IL11: variants seen among roughly 807,000 people sequenced by gnomAD.
IL11 encodes the protein interleukin-11.
IL11 carries 17 observed loss-of-function variants against 18.1 expected under a neutral mutation model. The observed-to-expected ratio is 0.94, with a 90% confidence interval of 0.64 to 1.41. The LOEUF is 1.41. IL11 is among the 40% of genes most tolerant of loss of function. The pLI is 0.00. For missense variants in IL11, 309 were observed against 262.8 expected, an observed-to-expected ratio of 1.18 and a Z score of -1.22; for synonymous variants, 144 against 134.1, an observed-to-expected ratio of 1.07 and a Z score of -0.51.
chr19:55,368,981 G>C, intron 1 of IL11, 40 bp from the exon 2 acceptor site: 2 of 1,451,018 alleles, frequency 1.4e-6, no homozygotes, highest in Admixed American at 2.7e-5. Context: ...GCTGGACTCC[G>C]GGTCTGAGAG....
At position 55,366,539 on chromosome 19, in the gene IL11, G is replaced by A. The variant is rs28492918; in HGVS notation, c.430-362C>T. Reference sequence around the variant, plus strand: ...TTAGAACAATTAAGAAGCCAGGCGCGGGGGCTCACGCCTGTTATCCCAGCG... The same window carrying A: ...TTAGAACAATTAAGAAGCCAGGCGCAGGGGCTCACGCCTGTTATCCCAGCG... On this transcript the variant is annotated intron_variant, in intron 4 of 4. Transcript: ENST00000264563. The surrounding 1 kb of genome is among the most constrained non-coding windows in gnomAD (Gnocchi z 4.6). 0.072 allele frequency among the ~76,000 whole-genome samples: 11,004 copies of A among 152,114 alleles called. 1,146 individuals are homozygous for A. Among genetic ancestry groups the A allele is most frequent in the African/African-American group, 0.24 (9,759 of 41,440 alleles).
chr19:55,366,135 C>T lies in IL11; in HGVS notation c.472G>A (p.Ala158Thr). 5 of 1,518,422 alleles carry T rather than the reference C, an allele frequency of 3.3e-6. No homozygotes were observed. Among genetic ancestry groups the T allele is most frequent in the African/African-American group, 1.4e-5 (1 of 71,612 alleles). The allele number at this position is 1,518,422 out of a possible 1,614,324, so 94.1% of individuals were successfully genotyped here. A position where few individuals can be genotyped will look rare whatever the true frequency, so the allele number is the denominator to read the frequency against. Residue 158 changes from alanine to threonine, a missense_variant, in exon 5 of 5, where the codon GCG (alanine) becomes ACG (threonine). By Grantham distance (58) the Ala-to-Thr change is moderately conservative. Coordinates refer to ENST00000264563, the MANE Select transcript of IL11 (RefSeq NM_000641.4). The surrounding 1 kb of genome is among the most constrained non-coding windows in gnomAD (Gnocchi z 4.6). ...GAGGAGGGGGGCGCCAGCGGGGGCGCCGGCGGGTCCGGGGGTGGCTGGGGC... is the reference window on the plus strand; with the variant it reads ...GAGGAGGGGGGCGCCAGCGGGGGCGTCGGCGGGTCCGGGGGTGGCTGGGGC... ...ALPQPPPDPP[A>T]PPLAPPSSAW...
intron 3 of IL11, 51 bp downstream of exon 3, chr19:55,368,432 C>G (rs1358654437): frequency 1.9e-6 from 3 of 1,578,868 alleles, no homozygotes; most frequent in East Asian, 2.3e-5. Context: ...CTCCCCGCCC[C>G]CTTCACTGCC....
At position 55,368,751 on chromosome 19, in the gene IL11, C is replaced by T; in HGVS notation, c.180+18G>A. The stretch of plus-strand genomic sequence containing the variant: ...CTGCCTCTCACTCCTGTGCTGGCCC[C>T]AGCCCAGTCTCTCCTACCAGCTGTG... On this transcript the variant is annotated intron_variant, in intron 2 of 4. Coordinates refer to ENST00000264563, the MANE Select transcript of IL11 (RefSeq NM_000641.4). 6.4e-7 allele frequency: 1 copy of T among 1,562,076 alleles called. No homozygotes were observed. The highest frequency in any genetic ancestry group is 8.7e-7 in the Non-Finnish European group (1 of 1,152,816).
Position 55,368,916 on chromosome 19 carries a change from C to A in IL11, c.33G>T (p.Val11=). The A allele has an allele frequency of 1.3e-6, 2 of 1,542,780 alleles. No homozygotes were observed. Among genetic ancestry groups the A allele is most frequent in the Non-Finnish European group, 8.8e-7 (1 of 1,141,074 alleles). ...CAGCTGTATCTGGCCACAGGCTCAG[C>A]ACGACCAGGACCAGGCGGCAAACAC... is the stretch of plus-strand genomic sequence containing the variant. MNCVCRLVLV[V]LSLWPDTAVA... The change falls in exon 2 of 5, where the codon GTG becomes GTT. Residue 11 remains valine (V), a synonymous_variant. Coordinates refer to ENST00000264563, the MANE Select transcript of IL11 (RefSeq NM_000641.4).
At position 55,368,390 on chromosome 19, in the gene IL11, C is replaced by G. The variant is rs1211847335; in HGVS notation, c.268-19G>C. 1 of 1,590,048 alleles carries G rather than the reference C, an allele frequency of 6.3e-7. No homozygotes were observed. The highest frequency in any genetic ancestry group is 8.6e-7 in the Non-Finnish European group (1 of 1,162,824). On this transcript the variant is annotated intron_variant, in intron 3 of 4. Coordinates refer to ENST00000264563, the MANE Select transcript of IL11 (RefSeq NM_000641.4). Reference sequence around the variant, plus strand: ...CTGGGAGCTGGGGATAGAGCCGGGACATCAGAGAACACCCGACCAGTGCCC... The same window carrying G: ...CTGGGAGCTGGGGATAGAGCCGGGAGATCAGAGAACACCCGACCAGTGCCC...
In IL11 at chr19:55,366,448, G is replaced by A. The variant is rs893145578; in HGVS notation, c.430-271C>T. Among the ~76,000 whole-genome samples the A allele has an allele frequency of 6.6e-6, 1 of 152,016 alleles. No homozygotes were observed. Among genetic ancestry groups the A allele is most frequent in the Non-Finnish European group, 1.5e-5 (1 of 68,008 alleles). The stretch of plus-strand genomic sequence containing the variant: ...ATCTCGGTTCTAGGTGAGGGATCGG[G>A]CCTGGGACTGTTAGAGTCGCCGGGG... On this transcript the variant is annotated intron_variant, in intron 4 of 4. Transcript: ENST00000264563. The surrounding 1 kb of genome is among the most constrained non-coding windows in gnomAD (Gnocchi z 4.6).
In IL11 at chr19:55,369,842, GTC is replaced by G. The variant is rs2089811633; in HGVS notation, c.7+460_7+461del. Among the ~76,000 whole-genome samples the G allele has an allele frequency of 6.6e-6, 1 of 151,536 alleles. No homozygotes were observed. The stretch of plus-strand genomic sequence containing the variant: ...TCTCCCCGCTTTCCCCCCGCGCCCA[GTC>G]TCTCTCCTCCCCCCGGCTGGGGTCG... On this transcript the variant is annotated intron_variant, in intron 1 of 4. Transcript: ENST00000264563. The surrounding 1 kb of genome is among the most constrained non-coding windows in gnomAD (Gnocchi z 6.1).
At position 55,370,374 on chromosome 19, in the gene IL11, C is replaced by T. The variant is rs2089815511; in HGVS notation, c.-64G>A. ...GGGAGCCGGGGGCCTTTAACCCTTC[C>T]CTGTCCGCTGCCGGGGGAGCCCCGA... is the stretch of plus-strand genomic sequence containing the variant. On this transcript the variant is annotated 5_prime_UTR_variant, in exon 1 of 5. Transcript: ENST00000264563. 9 of 1,342,280 alleles carry T rather than the reference C, an allele frequency of 6.7e-6. No homozygotes were observed. The highest frequency in any genetic ancestry group is 5.4e-5 in the South Asian group (3 of 55,052). 83.1% of individuals were successfully genotyped at this position (1,342,280 alleles called of 1,614,324 possible).
intron 4 of IL11, 36 bp downstream of exon 4, chr19:55,368,174 G>A: frequency 6.7e-7 from 1 of 1,491,188 alleles, no homozygotes. Flanking sequence ...CCAGGGGTGG[G>A]GGTCTGGGGT....
rs2089806196 is a variant in IL11, at chr19:55,369,240, G to T, written c.8-299C>A. 1.2e-5 allele frequency: 3 copies of T among 253,332 alleles called. No homozygotes were observed. The highest frequency in any genetic ancestry group is 7.0e-5 in the East Asian group (1 of 14,204). 15.7% of individuals were successfully genotyped at this position (253,332 alleles called of 1,614,324 possible). A position where few individuals can be genotyped will look rare whatever the true frequency, so the allele number is the denominator to read the frequency against. On this transcript the variant is annotated intron_variant, in intron 1 of 4. Coordinates refer to ENST00000264563, the MANE Select transcript of IL11 (RefSeq NM_000641.4). The surrounding 1 kb of genome is among the most constrained non-coding windows in gnomAD (Gnocchi z 6.1). ...GCGGGCAGGTCGCAGGGCCAGGCGG[G>T]CTTCCCTCTCCCTCCCTGGCTCTGG...
intron 4 of IL11, among the ~76,000 whole-genome samples, chr19:55,367,153 G>C (rs4252552): frequency 0.12 from 17,799 of 152,158 alleles, 1,671 homozygotes; most frequent in African/African-American, 0.26. Context: ...AAGAACCAGG[G>C]TTTGAAGTCT....
Position 55,364,810 on chromosome 19 carries a change from C to G in IL11, c.*1197G>C, listed in dbSNP as rs1310728632. 1 of 152,104 alleles carries G rather than the reference C, an allele frequency of 6.6e-6. No homozygotes were observed. Among genetic ancestry groups the G allele is most frequent in the Non-Finnish European group, 1.5e-5 (1 of 68,018 alleles). The allele number at this position is 152,104 out of a possible 1,614,324, so 9.4% of individuals were successfully genotyped here. On this transcript the variant is annotated 3_prime_UTR_variant, in exon 5 of 5. Transcript: ENST00000264563. ...CAATGTCAGGATATCTTTCTATATC[C>G]CAAGCAAGCCTCTCTCCTTAGCCTC...
At position 55,366,161 on chromosome 19, in the gene IL11, A is replaced by AG; in HGVS notation, c.445dup (p.Leu149ProfsTer38). 1 of 1,495,160 alleles carries AG rather than the reference A, an allele frequency of 6.7e-7. No individual in the cohort carries two copies. 92.6% of individuals were successfully genotyped at this position (1,495,160 alleles called of 1,614,324 possible). A position where few individuals can be genotyped will look rare whatever the true frequency, so the allele number is the denominator to read the frequency against. Reference sequence around the variant, plus strand: ...CGGCGGGTCCGGGGGTGGCTGGGGCAGGGCCAGGCGGGACATCTGTGGGGA... The same window carrying AG: ...CGGCGGGTCCGGGGGTGGCTGGGGCAGGGGCCAGGCGGGACATCTGTGGGGA... On this transcript the variant is annotated frameshift_variant, in exon 5 of 5. Coordinates refer to ENST00000264563, the MANE Select transcript of IL11 (RefSeq NM_000641.4). LOFTEE classifies it high-confidence loss of function. This position sits in a 1 kb window ranked among gnomAD's most constrained non-coding sequence, Gnocchi z 4.6.
In IL11 at chr19:55,366,470, G is replaced by C. The variant is rs911870313; in HGVS notation, c.430-293C>G. Among the ~76,000 whole-genome samples the C allele has an allele frequency of 6.6e-6, 1 of 151,990 alleles. No individual in the cohort carries two copies. Among genetic ancestry groups the C allele is most frequent in the Non-Finnish European group, 1.5e-5 (1 of 68,002 alleles). ...CGGGCCTGGGACTGTTAGAGTCGCC[G>C]GGGCTGGAATCTCAGAGCTGGGTTT... On this transcript the variant is annotated intron_variant, in intron 4 of 4. Transcript: ENST00000264563. The surrounding 1 kb of genome is among the most constrained non-coding windows in gnomAD (Gnocchi z 4.6).
chr19:55,369,014 C>A lies in IL11; in HGVS notation c.8-73G>T. ...GAGAGGAGGGCCTGGGCCTGGACTC[C>A]CGGGTCTGAGGGAGGAGGAACTGGG... On this transcript the variant is annotated intron_variant, in intron 1 of 4. Transcript: ENST00000264563. The surrounding 1 kb of genome is among the most constrained non-coding windows in gnomAD (Gnocchi z 6.1). 1 of 1,372,650 alleles carries A rather than the reference C, an allele frequency of 7.3e-7. No homozygotes were observed. The allele number at this position is 1,372,650 out of a possible 1,614,324, so 85.0% of individuals were successfully genotyped here.
chr19:55,368,854 G>T lies in IL11; in HGVS notation c.95C>A (p.Ser32Tyr). Residue 32 changes from serine (S) to tyrosine (Y), a missense_variant, in exon 2 of 5, where the codon TCC (serine) becomes TAC (tyrosine). Ser to Tyr is a moderately radical substitution (Grantham distance 144, BLOSUM62 -2). Coordinates refer to ENST00000264563, the MANE Select transcript of IL11 (RefSeq NM_000641.4). ...GTCCAGCTCGGCCCGAGGGTCTGGG[G>T]AAACTCGAGGGGGGCCAGGTGGTGG... ...PGPPPGPPRV[S>Y]PDPRAELDST... is the part of the protein sequence containing the mutation. 6.3e-7 allele frequency: 1 copy of T among 1,583,442 alleles called. No homozygotes were observed. Among genetic ancestry groups the T allele is most frequent in the Non-Finnish European group, 8.6e-7 (1 of 1,165,088 alleles).
At chr19:55,368,729 C>A (rs1426702355) in intron 2 of IL11, 40 bp downstream of exon 2, 5 of 1,538,640 alleles carry the variant, frequency 3.2e-6, no homozygotes, top group Non-Finnish European at 4.4e-6. Context: ...TTCCTCTCTG[C>A]CTCTCACTCC....
At position 55,369,469 on chromosome 19, in the gene IL11, G is replaced by A. The variant is rs929722325; in HGVS notation, c.8-528C>T. 2.0e-5 allele frequency among the ~76,000 whole-genome samples: 3 copies of A among 148,776 alleles called. No individual in the cohort carries two copies. The highest frequency in any genetic ancestry group is 2.0e-4 in the East Asian group (1 of 5,124). ...AGCCAGAAGCCAGGACGGAGCCCGG[G>A]AGACACGGACCTCTCCCACGGGAGA... is the stretch of plus-strand genomic sequence containing the variant. On this transcript the variant is annotated intron_variant, in intron 1 of 4. Transcript: ENST00000264563. The surrounding 1 kb of genome is among the most constrained non-coding windows in gnomAD (Gnocchi z 6.1).
Sources: gnomAD v4.1 joint callset for allele counts (sites outside exome capture counted in the v4.1 genomes callset) on GRCh38, gnomAD v4.1.1 for gene constraint, Gnocchi (gnomAD v3.1) non-coding constraint, MANE v1.5 for transcripts, NCBI Gene and HGNC (gene_info 2026-07-23, HGNC 2026-07-21) for gene names.